THAP4: variants seen among roughly 807,000 people sequenced by gnomAD.
THAP4 encodes peroxynitrite isomerase THAP4.
Under a neutral mutation model 48.1 loss-of-function variants are expected in THAP4, and 18 were observed. That is an observed-to-expected ratio of 0.37 (90% CI 0.26 to 0.56). The LOEUF is 0.56. Ranked by LOEUF, THAP4 falls within the 20% of genes least tolerant of loss-of-function variation. The pLI, the probability that THAP4 is intolerant of heterozygous loss-of-function variation, is 0.78. For missense variants in THAP4, 656 were observed against 774.9 expected (o/e 0.85, Z 1.82); for synonymous variants, 345 against 324.9 (o/e 1.06, Z -0.66).
intron 2 of THAP4, among the ~76,000 whole-genome samples, chr2:241,622,415 C>A (rs1432854873): frequency 6.6e-6 from 1 of 152,016 alleles, no homozygotes; most frequent in Non-Finnish European, 1.5e-5. Flanking sequence ...TAAATAAAAA[C>A]AGAGAATTCA....
intron 2 of THAP4, among the ~76,000 whole-genome samples, chr2:241,615,923 G>A (rs1486906005): frequency 6.6e-6 from 1 of 152,182 alleles, no homozygotes; most frequent in Non-Finnish European, 1.5e-5. Context: ...ATGCTGGGGA[G>A]CTGGTTCTAG....
intron 1 of THAP4, 119 bp from the exon 2 acceptor site, chr2:241,634,198 A>G (rs1459171444): frequency 1.4e-6 from 1 of 689,804 alleles, no homozygotes; most frequent in Non-Finnish European, 2.3e-6. Flanking sequence ...GACTTCATCC[A>G]CTTAAAAAAA....
chr2:241,605,098 G>A (rs900286643), intron 3 of THAP4, among the ~76,000 whole-genome samples: 1 of 152,166 alleles, frequency 6.6e-6, no homozygotes, highest in Non-Finnish European at 1.5e-5. Context: ...AAAAAAGACT[G>A]CTTGGGTTCT....
At position 241,601,772 on chromosome 2, in the gene THAP4, G is replaced by C. The variant is rs577024615; in HGVS notation, c.1614+124C>G. Reference sequence around the variant, plus strand: ...TCCGAGAAGGGAAAAGAAGGAGACAGTGAAGACAGGCCTGTGAGACACAGT... The same window carrying C: ...TCCGAGAAGGGAAAAGAAGGAGACACTGAAGACAGGCCTGTGAGACACAGT... On this transcript the variant is annotated intron_variant, in intron 5 of 5. Transcript: ENST00000407315. The surrounding 1 kb of genome is among the most constrained non-coding windows in gnomAD (Gnocchi z 4.0). The C allele has an allele frequency of 1.1e-3, 1,674 of 1,526,676 alleles. 8 individuals carry two copies. The highest frequency in any genetic ancestry group is 7.7e-4 in the Non-Finnish European group (870 of 1,127,420). The allele number at this position is 1,526,676 out of a possible 1,614,324, so 94.6% of individuals were successfully genotyped here.
chr2:241,617,960 G>A (rs2067369029), intron 2 of THAP4, among the ~76,000 whole-genome samples: 1 of 152,196 alleles, frequency 6.6e-6, no homozygotes, highest in Non-Finnish European at 1.5e-5. Flanking sequence ...CTGGGACCTG[G>A]GGACGGCTCC....
chr2:241,598,920 A>G (rs2067080986), intron 5 of THAP4, among the ~76,000 whole-genome samples: 1 of 132,550 alleles, frequency 7.5e-6, no homozygotes, highest in Non-Finnish European at 1.6e-5. Flanking sequence ...ACGCACCTGC[A>G]CTGGAAAAAA....
chr2:241,605,951 C>T (rs2067178128), intron 3 of THAP4, among the ~76,000 whole-genome samples: 1 of 152,184 alleles, frequency 6.6e-6, no homozygotes. Context: ...TAAGCTCAAG[C>T]AATCCTCCTG....
chr2:241,617,524 A>C (rs1207490692), intron 2 of THAP4: 2 of 1,486,534 alleles, frequency 1.3e-6, no homozygotes, highest in Admixed American at 4.3e-5. Context: ...CAGGAAGTGA[A>C]TGCTAACTTT....
At chr2:241,602,935 T>G (rs776582383) in intron 4 of THAP4, 35 bp downstream of exon 4, 2 of 1,526,284 alleles carry the variant, frequency 1.3e-6, no homozygotes, top group Admixed American at 1.7e-5. Context: ...CAGCCTCCCA[T>G]GGCCAGCCCT....
chr2:241,594,638 G>A, intron 5 of THAP4: 1 of 289,520 alleles, frequency 3.5e-6, no homozygotes. Context: ...CATACCTGTG[G>A]CCCCAGCTAC....
At chr2:241,623,657 T>C (rs1575036193) in intron 2 of THAP4, among the ~76,000 whole-genome samples, 1 of 140,930 alleles carries the variant, frequency 7.1e-6, no homozygotes, top group Non-Finnish European at 1.5e-5. Context: ...AGGGAGGGGG[T>C]CAATCACTGT....
chr2:241,607,194 C>T (rs1330854896), intron 2 of THAP4, among the ~76,000 whole-genome samples: 1 of 152,052 alleles, frequency 6.6e-6, no homozygotes, highest in Non-Finnish European at 1.5e-5. Flanking sequence ...ACACCACAGG[C>T]CTGGAACTCA....
At chr2:241,607,722 T>TTCTTGGAACCATCG (rs2067201095) in intron 2 of THAP4, among the ~76,000 whole-genome samples, 1 of 109,600 alleles carries the variant, frequency 9.1e-6, no homozygotes, top group Non-Finnish European at 1.9e-5. Flanking sequence ...GGGGACAGGA[T>TTCTTGGAACCATCG]CAGGACTGAC....
intron 2 of THAP4, among the ~76,000 whole-genome samples, chr2:241,630,779 CAA>C (rs1171134229): frequency 3.3e-4 from 20 of 61,150 alleles, no homozygotes; most frequent in East Asian, 3.8e-4. Context: ...AACTCCGTCT[CAA>C]AAAAAAAAAA....
At chr2:241,608,031 G>A (rs182882508) in intron 2 of THAP4, among the ~76,000 whole-genome samples, 29 of 151,640 alleles carry the variant, frequency 1.9e-4, no homozygotes, top group Non-Finnish European at 2.7e-4. Context: ...AGCAGAAGAC[G>A]GACTGACGGG....
intron 3 of THAP4, 95 bp downstream of exon 3, chr2:241,606,219 C>T (rs1161827825): frequency 8.2e-7 from 1 of 1,214,222 alleles, no homozygotes; most frequent in Non-Finnish European, 1.1e-6. Context: ...TTACACCTTC[C>T]TGCTTGGCCT....
At chr2:241,608,769 G>T (rs1381958449) in intron 2 of THAP4, among the ~76,000 whole-genome samples, 1 of 152,216 alleles carries the variant, frequency 6.6e-6, no homozygotes, top group Non-Finnish European at 1.5e-5. Flanking sequence ...TGTACATTAG[G>T]AGATGAGGCA....
chr2:241,624,442 G>A (rs1173474403), intron 2 of THAP4, among the ~76,000 whole-genome samples: 2 of 151,744 alleles, frequency 1.3e-5, no homozygotes, highest in South Asian at 2.1e-4. Context: ...AGCCGAGATC[G>A]CGCCACTGTA....
At chr2:241,584,986 C>G (rs539715470) in intron 5 of THAP4, 9 of 451,006 alleles carry the variant, frequency 2.0e-5, no homozygotes, top group Non-Finnish European at 3.3e-5. Context: ...CCATACCACC[C>G]TGAACGCACC....
Sources: gnomAD v4.1 joint callset for allele counts (sites outside exome capture counted in the v4.1 genomes callset) on GRCh38, gnomAD v4.1.1 for gene constraint, Gnocchi (gnomAD v3.1) non-coding constraint, MANE v1.5 for transcripts, NCBI Gene and HGNC (gene_info 2026-07-23, HGNC 2026-07-21) for gene names.